Variants in SLC17A1 observed in about 807,000 individuals in gnomAD.
The protein encoded by SLC17A1 is sodium-dependent phosphate transport protein 1.
SLC17A1 carries 51 observed loss-of-function variants against 53.5 expected under a neutral mutation model. The ratio of observed to expected loss-of-function variants is 0.95; its 90% CI spans 0.76 to 1.20. The LOEUF (loss-of-function observed/expected upper bound fraction) is 1.20, where lower values mean the gene tolerates loss of function less well. SLC17A1 is among the 50% of genes most tolerant of loss of function. SLC17A1 has a pLI of 0.00. For synonymous variants in SLC17A1, 179 were observed against 198.8 expected (o/e 0.90, Z 0.84); for missense variants, 538 against 568.2 (o/e 0.95, Z 0.54).
chr6:25,808,378 A>C (rs552215947), intron 10 of SLC17A1, among the ~76,000 whole-genome samples: 1 of 152,114 alleles, frequency 6.6e-6, no homozygotes, highest in African/African-American at 2.4e-5. Flanking sequence ...GGATAAAAAA[A>C]ACCACCTATT....
chr6:25,780,381 A>G (rs1278066964), downstream of SLC17A1: 1 of 152,230 alleles, frequency 6.6e-6, no homozygotes, highest in Non-Finnish European at 1.5e-5. Flanking sequence ...TGATAAGTGC[A>G]CTAATCTGAG....
chr6:25,770,271 G>T, the SLC17A1 span: 1 of 1,614,090 alleles, frequency 6.2e-7, no homozygotes, highest in Admixed American at 1.7e-5. Context: ...CTTGCTCATT[G>T]TCCTCCGGAT....
At chr6:25,789,402 C>A (rs1763453416) in intron 12 of SLC17A1, among the ~76,000 whole-genome samples, 1 of 151,356 alleles carries the variant, frequency 6.6e-6, no homozygotes, top group Non-Finnish European at 1.5e-5. Flanking sequence ...GAAATATTTA[C>A]ATAGTTCCAA....
chr6:25,764,191 T>C, the SLC17A1 span, among the ~76,000 whole-genome samples: 1 of 152,158 alleles, frequency 6.6e-6, no homozygotes, highest in Non-Finnish European at 1.5e-5. Context: ...GCCTGCCACC[T>C]TGGGCCAGAA....
intron 10 of SLC17A1, among the ~76,000 whole-genome samples, chr6:25,804,367 A>G (rs926049025): frequency 6.6e-6 from 1 of 152,146 alleles, no homozygotes; most frequent in Non-Finnish European, 1.5e-5. Context: ...CTAGCAGACT[A>G]TCCCTACAAG....
chr6:25,726,947 G>T, the SLC17A1 span: 2 of 1,614,010 alleles, frequency 1.2e-6, no homozygotes. Flanking sequence ...CCATTTCCAA[G>T]AAGGGCTTTA....
At chr6:25,801,789 G>C (rs1279393455) in intron 10 of SLC17A1, among the ~76,000 whole-genome samples, 1 of 152,166 alleles carries the variant, frequency 6.6e-6, no homozygotes, top group Non-Finnish European at 1.5e-5. Flanking sequence ...GGAGGTGCCT[G>C]TTTTGTTTAT....
chr6:25,784,407 A>C (rs1368630204), intron 12 of SLC17A1, among the ~76,000 whole-genome samples: 1 of 152,196 alleles, frequency 6.6e-6, no homozygotes, highest in Non-Finnish European at 1.5e-5. Context: ...TGAGGGTCTC[A>C]GGAATCTTCC....
At position 25,831,568 on chromosome 6, in the gene SLC17A1, C is replaced by G. The variant is rs564464265; in HGVS notation, c.-51+426G>C. Among the ~76,000 whole-genome samples, 51 of 152,182 alleles carry G rather than the reference C, an allele frequency of 3.4e-4. No homozygotes were observed. In the South Asian group the frequency reaches 9.7e-3, roughly 29 times the overall value. The stretch of plus-strand genomic sequence containing the variant: ...CCCTTATGTTCTCCACACATACACT[C>G]CAGACACATAGCAAACCAAACATAT... On this transcript the variant is annotated intron_variant, in intron 1 of 12. Coordinates refer to ENST00000244527, the MANE Select transcript of SLC17A1 (RefSeq NM_005074.5).
chr6:25,778,048 A>ATATTCATAG, downstream of SLC17A1: 1 of 1,567,914 alleles, frequency 6.4e-7, no homozygotes, highest in South Asian at 1.1e-5. Flanking sequence ...AATATTCATA[A>ATATTCATAG]AAGAAACCTA....
the SLC17A1 span, among the ~76,000 whole-genome samples, chr6:25,751,516 C>T: frequency 6.6e-6 from 1 of 152,190 alleles, no homozygotes; most frequent in Non-Finnish European, 1.5e-5. Context: ...AGAGCAAGCA[C>T]TTGGCTCACC....
At chr6:25,828,854 T>C (rs1486502478) in intron 2 of SLC17A1, among the ~76,000 whole-genome samples, 1 of 152,166 alleles carries the variant, frequency 6.6e-6, no homozygotes, top group African/African-American at 2.4e-5. Flanking sequence ...CCAAAGTCAT[T>C]TGCAGCTATA....
chr6:25,782,910 T>G (rs1763296340), downstream of SLC17A1: 1 of 152,206 alleles, frequency 6.6e-6, no homozygotes, highest in Non-Finnish European at 1.5e-5. Flanking sequence ...CATGAAGCCT[T>G]AGAATAAAAT....
chr6:25,778,117 T>C, downstream of SLC17A1: 3 of 754,964 alleles, frequency 4.0e-6, no homozygotes, highest in East Asian at 7.7e-5. Flanking sequence ...GCTTTTAAAG[T>C]AGTCAAAAAT....
chr6:25,728,556 A>G, the SLC17A1 span, among the ~76,000 whole-genome samples: 1 of 152,148 alleles, frequency 6.6e-6, no homozygotes, highest in Non-Finnish European at 1.5e-5. Flanking sequence ...TGGCTCACGC[A>G]TGTAATCCTG....
chr6:25,764,085 C>T, the SLC17A1 span, among the ~76,000 whole-genome samples: 1 of 152,282 alleles, frequency 6.6e-6, no homozygotes, highest in Admixed American at 6.5e-5. Flanking sequence ...GAGGACACCC[C>T]AAAGTCACAG....
chr6:25,802,469 G>A (rs139774889), intron 10 of SLC17A1, among the ~76,000 whole-genome samples: 1 of 151,988 alleles, frequency 6.6e-6, no homozygotes, highest in East Asian at 1.9e-4. Context: ...TTATTTATAT[G>A]AAATTATTAT....
the SLC17A1 span, chr6:25,761,974 A>C: frequency 6.2e-7 from 1 of 1,613,806 alleles, no homozygotes; most frequent in Non-Finnish European, 8.5e-7. Context: ...TGTCTACCGG[A>C]CCAGATGTCA....
chr6:25,726,535 C>T, the SLC17A1 span: 9 of 1,600,762 alleles, frequency 5.6e-6, no homozygotes, highest in African/African-American at 1.1e-4. Context: ...CATCTCCTCG[C>T]ATCAAATTGC....
Sources: gnomAD v4.1 joint callset for allele counts (sites outside exome capture counted in the v4.1 genomes callset) on GRCh38, gnomAD v4.1.1 for gene constraint, MANE v1.5 for transcripts, NCBI Gene and HGNC (gene_info 2026-07-23, HGNC 2026-07-21) for gene names.